The following UBR4 variants were observed in gnomAD, a reference collection of about 807,000 sequenced individuals.
The protein encoded by UBR4 is E3 ubiquitin-protein ligase UBR4.
In UBR4, 124 loss-of-function variants were observed where a neutral mutation model predicts 575.6. That is an observed-to-expected ratio of 0.22 (90% CI 0.19 to 0.25). The LOEUF (loss-of-function observed/expected upper bound fraction) is 0.25, where lower values mean the gene tolerates loss of function less well. Among genes scored for constraint, UBR4 ranks in the 10% least tolerant of loss-of-function variants. The pLI is 1.00. For missense variants in UBR4, 4,818 were observed against 6,478.8 expected, an observed-to-expected ratio of 0.74 and a Z score of 8.80; for synonymous variants, 2,455 against 2,473.7, an observed-to-expected ratio of 0.99 and a Z score of 0.22.
chr1:19,119,598 G>A lies in UBR4; in HGVS notation c.10414C>T (p.Leu3472=). 3 of 1,614,030 alleles carry A rather than the reference G, an allele frequency of 1.9e-6. No individual in the cohort carries two copies. Among genetic ancestry groups the A allele is most frequent in the Non-Finnish European group, 2.5e-6 (3 of 1,179,900 alleles). The change falls in exon 70 of 106, where the codon CTA becomes TTA. Residue 3472 remains leucine, a synonymous_variant. Coordinates refer to ENST00000375254, the MANE Select transcript of UBR4 (RefSeq NM_020765.3). ...GRKAAQFVDL[L]GYFSLKTPQT... is the part of the protein sequence containing the mutation. ...GGAGTTTTCAGGGAGAAATATCCTA[G>A]TAGGTCCACAAACTGGGCAGCCTTA... is the stretch of plus-strand genomic sequence containing the variant.
chr1:19,143,783 T>C (rs1383266656), intron 55 of UBR4, among the ~76,000 whole-genome samples, 197 bp downstream of exon 55: 1 of 152,252 alleles, frequency 6.6e-6, no homozygotes, highest in Non-Finnish European at 1.5e-5. Flanking sequence ...TTAATCTTTA[T>C]TTTTATCCTA....
rs369554212 is a variant in UBR4 at position 19,105,008 on chromosome 1, A to G, written c.12645+40T>C. 76 of 1,603,420 alleles carry G rather than the reference A, an allele frequency of 4.7e-5. 1 individual carries two copies. In the African/African-American group the frequency reaches 9.8e-4, roughly 21 times the overall value. ...GAGTTTACATCAAGGTACAAGGGGGAATTAGGGAAGGGGCTCTCTTGGGCA... is the reference window on the plus strand; with the variant it reads ...GAGTTTACATCAAGGTACAAGGGGGGATTAGGGAAGGGGCTCTCTTGGGCA... On this transcript the variant is annotated intron_variant, in intron 85 of 105. Coordinates refer to ENST00000375254, the MANE Select transcript of UBR4 (RefSeq NM_020765.3).
chr1:19,185,396 T>A lies in UBR4; in HGVS notation c.1751-110A>T. 4 of 1,066,832 alleles carry A rather than the reference T, an allele frequency of 3.7e-6. No individual in the cohort carries two copies. The South Asian group carries it at 7.4e-5, about 20-fold the overall frequency. The allele number at this position is 1,066,832 out of a possible 1,614,324, so 66.1% of individuals were successfully genotyped here. A position where few individuals can be genotyped will look rare whatever the true frequency, so the allele number is the denominator to read the frequency against. ...AAAAGGAATACAAGGATATCCCAAT[T>A]GTGATGATGGTTACAAGATTGCATT... is the stretch of plus-strand genomic sequence containing the variant. On this transcript the variant is annotated intron_variant, in intron 14 of 105. Transcript: ENST00000375254.
In UBR4 at chr1:19,187,083, T is replaced by TATATATATATACATATATATATC. The variant is rs1553223749; in HGVS notation, c.1632+80_1632+81insGATATATATATGTATATATATAT. The TATATATATATACATATATATATC allele has an allele frequency of 3.2e-4, 290 of 899,510 alleles. 1 individual carries two copies. In the African/African-American group the frequency reaches 4.9e-3, roughly 15 times the overall value. The allele number at this position is 899,510 out of a possible 1,614,324, so 55.7% of individuals were successfully genotyped here. A position where few individuals can be genotyped will look rare whatever the true frequency, so the allele number is the denominator to read the frequency against. ...ATTCATTTCAAGAAAGTTTTATATA[T>TATATATATATACATATATATATC]ATATATATATATACATATATATATC... is the stretch of plus-strand genomic sequence containing the variant. On this transcript the variant is annotated intron_variant, in intron 13 of 105. Coordinates refer to ENST00000375254, the MANE Select transcript of UBR4 (RefSeq NM_020765.3).
chr1:19,198,705 A>G (rs755220909), intron 4 of UBR4, 25 bp from the exon 5 acceptor site: 2 of 1,612,976 alleles, frequency 1.2e-6, no homozygotes, highest in Admixed American at 3.3e-5. Flanking sequence ...GGCAAAAAAA[A>G]GGGCTGAGGA....
In UBR4 at chr1:19,198,013, G is replaced by C; in HGVS notation, c.685C>G (p.Gln229Glu). The C allele has an allele frequency of 6.2e-7, 1 of 1,614,096 alleles. No homozygotes were observed. The highest frequency in any genetic ancestry group is 8.5e-7 in the Non-Finnish European group (1 of 1,180,046). ...TTCTTGGTTTTGATAGCTGAGGCTTGATCTGTAGATGACTGCTCATCATTT... is the reference window on the plus strand; with the variant it reads ...TTCTTGGTTTTGATAGCTGAGGCTTCATCTGTAGATGACTGCTCATCATTT... ...GENDEQSSTD[Q>E]ASAIKTKNVF... Residue 229 changes from glutamine to glutamate, a missense_variant, in exon 6 of 106, where the codon CAA becomes GAA. Coordinates refer to ENST00000375254, the MANE Select transcript of UBR4 (RefSeq NM_020765.3).
chr1:19,119,375 T>C (rs751421802), intron 70 of UBR4, among the ~76,000 whole-genome samples, 182 bp downstream of exon 70: 4 of 152,244 alleles, frequency 2.6e-5, no homozygotes, highest in Admixed American at 6.5e-5. Context: ...GATTTGTTAG[T>C]GTATACTGTC....
intron 86 of UBR4, 91 bp from the exon 87 acceptor site, chr1:19,104,348 C>T: frequency 1.3e-6 from 2 of 1,490,136 alleles, no homozygotes; most frequent in South Asian, 2.5e-5. Flanking sequence ...ACTCAAAAAG[C>T]AGGGAAAATC....
chr1:19,197,191 G>T lies in UBR4; in HGVS notation c.968C>A (p.Pro323His). 6.2e-7 allele frequency: 1 copy of T among 1,614,158 alleles called. No homozygotes were observed. The change falls in exon 8 of 106, where the codon CCT becomes CAT. Residue 323 changes from proline to histidine, a missense_variant. Pro to His is a moderately conservative substitution (Grantham distance 77). Around this residue, in one of 29 missense-constraint regions of UBR4, gnomAD observed 131 missense variants for 214.5 expected, o/e 0.61. Coordinates refer to ENST00000375254, the MANE Select transcript of UBR4 (RefSeq NM_020765.3). ...LSLPVLEPLN[P>H]SRLQDVTVLS... ...GACTGTCACATCTTGTAGACGAGAA[G>T]GATTGAGAGGTTCCAACACAGGTAG...
chr1:19,185,356 A>G, intron 14 of UBR4, 70 bp from the exon 15 acceptor site: 2 of 1,425,620 alleles, frequency 1.4e-6, no homozygotes, highest in Non-Finnish European at 1.9e-6. Flanking sequence ...TCTGCTTCCT[A>G]AAAGTACTTA....
At position 19,183,847 on chromosome 1, in the gene UBR4, T is replaced by C. The variant is rs1442306174; in HGVS notation, c.2148A>G (p.Ser716=). 6 of 1,614,106 alleles carry C rather than the reference T, an allele frequency of 3.7e-6. No individual in the cohort carries two copies. In the South Asian group the frequency reaches 6.6e-5, roughly 18 times the overall value. ...GTGACTGAAGGTCAGAGGTTACCAG[T>C]GAGTGGTTGAAGTGATAGAGAGCTG... is the stretch of plus-strand genomic sequence containing the variant. ...FAAALYHFNH[S]LVTSDLQSPN... The change falls in exon 17 of 106, where the codon TCA becomes TCG. Residue 716 remains serine, a synonymous_variant. Coordinates refer to ENST00000375254, the MANE Select transcript of UBR4 (RefSeq NM_020765.3).
Position 19,144,825 on chromosome 1 carries a change from G to A in UBR4, c.8028C>T (p.Asn2676=). 6.2e-7 allele frequency: 1 copy of A among 1,613,974 alleles called. No homozygotes were observed. The highest frequency in any genetic ancestry group is 2.2e-5 in the East Asian group (1 of 44,870). The change falls in exon 54 of 106, where the codon AAC becomes AAT. Residue 2676 remains asparagine, a synonymous_variant. Coordinates refer to ENST00000375254, the MANE Select transcript of UBR4 (RefSeq NM_020765.3). ...GYCTCELDCI[N]TASKIYMQML... ...TCTGCATGTAGATCTTGGATGCTGTGTTAATACAATCCAGCTCACAGGTAC... is the reference window on the plus strand; with the variant it reads ...TCTGCATGTAGATCTTGGATGCTGTATTAATACAATCCAGCTCACAGGTAC...
Position 19,154,926 on chromosome 1 carries a change from G to A in UBR4, c.6450C>T (p.Asn2150=), listed in dbSNP as rs767145020. 1.1e-5 allele frequency: 17 copies of A among 1,614,078 alleles called. No individual in the cohort carries two copies. The highest frequency in any genetic ancestry group is 1.7e-5 in the Admixed American group (1 of 60,004). ...TLEVLQLFPI[N]IKSSNGGSKT... ...TAAATGTTCATTCCCACCTTTTGAT[G>A]TTGATGGGGAAGAGTTGCAACACCT... Residue 2150 remains asparagine, a synonymous_variant, in exon 44 of 106, where the codon AAC becomes AAT. Coordinates refer to ENST00000375254, the MANE Select transcript of UBR4 (RefSeq NM_020765.3).
In UBR4 at chr1:19,105,164, C is replaced by T. The variant is rs1192922742; in HGVS notation, c.12529G>A (p.Gly4177Arg). The change falls in exon 85 of 106, where the codon GGG (glycine) becomes AGG (arginine). Residue 4177 changes from glycine (G) to arginine (R), a missense_variant. Transcript: ENST00000375254. Reference protein sequence around the residue: ...TSYLDELSIAGECAAEYLALY... With the variant: ...TSYLDELSIARECAAEYLALY... ...GCCAGGTACTCAGCTGCACACTCCC[C>T]AGCTATGCTCAGCTCATCCAGGTAA... 1 of 1,613,536 alleles carries T rather than the reference C, an allele frequency of 6.2e-7. No individual in the cohort carries two copies. Among genetic ancestry groups the T allele is most frequent in the Admixed American group, 1.7e-5 (1 of 59,822 alleles).
At chr1:19,123,750 A>G (rs2081423910) in intron 65 of UBR4, among the ~76,000 whole-genome samples, 1 of 152,222 alleles carries the variant, frequency 6.6e-6, no homozygotes, top group African/African-American at 2.4e-5. Context: ...TGGTACAACT[A>G]TGTAACTCAA....
chr1:19,172,495 C>T (rs796571932), intron 25 of UBR4, among the ~76,000 whole-genome samples: 5 of 151,852 alleles, frequency 3.3e-5, no homozygotes, highest in Middle Eastern at 3.2e-3. Context: ...CCAGCCTGGG[C>T]GACAGAGCGA....
chr1:19,121,556 C>G, intron 67 of UBR4, 122 bp from the exon 68 acceptor site: 1 of 1,261,974 alleles, frequency 7.9e-7, no homozygotes, highest in Non-Finnish European at 1.1e-6. Context: ...TTGCCATGTT[C>G]TCTCTGCTGG....
At chr1:19,079,556 G>A (rs2076282175) in intron 103 of UBR4, 1 of 152,248 alleles carries the variant, frequency 6.6e-6, no homozygotes, top group African/African-American at 2.4e-5. Context: ...GTGTGCAGAA[G>A]AGGCCAGCTT....
At position 19,121,231 on chromosome 1, in the gene UBR4, T is replaced by C. The variant is rs113650208; in HGVS notation, c.10099A>G (p.Thr3367Ala). The change falls in exon 68 of 106, where the codon ACT (threonine) becomes GCT (alanine). Residue 3367 changes from threonine (T) to alanine (A), a missense_variant. Around this residue, in one of 29 missense-constraint regions of UBR4, gnomAD observed 550 missense variants for 791.5 expected, o/e 0.69. Coordinates refer to ENST00000375254, the MANE Select transcript of UBR4 (RefSeq NM_020765.3). ...TTTTCTTCTTTCTTGCTCTTTTTAGTGGAAGACTTGGACTGTGTTGTGGCT... is the reference window on the plus strand; with the variant it reads ...TTTTCTTCTTTCTTGCTCTTTTTAGCGGAAGACTTGGACTGTGTTGTGGCT... ...GQATTQSKSS[T>A]KKSKKEEKEK... 3 of 1,614,100 alleles carry C rather than the reference T, an allele frequency of 1.9e-6. No homozygotes were observed. The highest frequency in any genetic ancestry group is 2.2e-5 in the East Asian group (1 of 44,902).
Sources: gnomAD v4.1 joint callset for allele counts (sites outside exome capture counted in the v4.1 genomes callset) on GRCh38, gnomAD v4.1.1 for gene constraint, gnomAD v4.1.1 regional missense constraint, MANE v1.5 for transcripts, NCBI Gene and HGNC (gene_info 2026-07-23, HGNC 2026-07-21) for gene names.